PRKG1: variants seen among roughly 807,000 people sequenced by gnomAD.
PRKG1 encodes protein kinase cGMP-dependent 1.
In PRKG1, 35 loss-of-function variants were observed where a neutral mutation model predicts 88.1. The ratio of observed to expected loss-of-function variants is 0.40; its 90% confidence interval spans 0.30 to 0.53. The LOEUF is 0.53. Among genes scored for constraint, PRKG1 ranks in the 20% least tolerant of loss-of-function variants. The pLI is 0.59. For missense variants in PRKG1, 540 were observed against 839.8 expected (o/e 0.64, Z 4.41); for synonymous variants, 303 against 292.5 (o/e 1.04, Z -0.37).
intron 5 of PRKG1, among the ~76,000 whole-genome samples, chr10:51,990,855 T>C (rs939233214): frequency 5.0e-5 from 7 of 141,172 alleles, no homozygotes; most frequent in Non-Finnish European, 7.6e-5. Flanking sequence ...CAAGGCATGA[T>C]GGTCTCCAGC....
At chr10:51,225,654 T>A (rs1838672631) in intron 2 of PRKG1, among the ~76,000 whole-genome samples, 1 of 152,106 alleles carries the variant, frequency 6.6e-6, no homozygotes, top group South Asian at 2.1e-4. Context: ...TACATTATTA[T>A]TAATAATATA....
intron 8 of PRKG1, among the ~76,000 whole-genome samples, chr10:52,156,511 T>TGATG (rs559758876): frequency 1.2e-4 from 18 of 151,684 alleles, no homozygotes; most frequent in Admixed American, 3.9e-4. Context: ...ATGGATGGAC[T>TGATG]GATGGATGGA....
At position 51,374,824 on chromosome 10, in the gene PRKG1, T is replaced by C. The variant is rs140170488; in HGVS notation, c.479-92899T>C. On this transcript the variant is annotated intron_variant, in intron 2 of 17. Coordinates refer to ENST00000373980, the MANE Select transcript of PRKG1 (RefSeq NM_006258.4). ...GACAGACTAAGGAGAAATCTGCTTC[T>C]AAGCTCACGTGAGTGTTGGCAGGAT... is the stretch of plus-strand genomic sequence containing the variant. Among the ~76,000 whole-genome samples the C allele has an allele frequency of 1.9e-3, 291 of 152,334 alleles. 1 individual carries two copies. The highest frequency in any genetic ancestry group is 3.4e-3 in the Middle Eastern group (1 of 294).
At chr10:51,680,060 A>G (rs1840811074) in intron 3 of PRKG1, among the ~76,000 whole-genome samples, 1 of 152,184 alleles carries the variant, frequency 6.6e-6, no homozygotes, top group Admixed American at 6.5e-5. Context: ...AGTGCCTTGG[A>G]GTGGCCACAG....
intron 6 of PRKG1, among the ~76,000 whole-genome samples, chr10:52,059,000 A>G (rs1369432766): frequency 6.6e-6 from 1 of 151,994 alleles, no homozygotes; most frequent in Non-Finnish European, 1.5e-5. Flanking sequence ...TTTAAAAAAC[A>G]GAATGAAAGA....
chr10:51,243,160 T>C (rs1839199196), intron 2 of PRKG1, among the ~76,000 whole-genome samples: 1 of 152,202 alleles, frequency 6.6e-6, no homozygotes, highest in South Asian at 2.1e-4. Flanking sequence ...TGTGACTGTG[T>C]TCATCCTTTC....
chr10:51,467,962 T>C (rs1839952483), intron 3 of PRKG1, 126 bp downstream of exon 3: 1 of 792,936 alleles, frequency 1.3e-6, no homozygotes. Context: ...ATTTTTGCCC[T>C]GCAATATAGC....
At chr10:52,110,191 A>T (rs1847527304) in intron 7 of PRKG1, among the ~76,000 whole-genome samples, 1 of 151,842 alleles carries the variant, frequency 6.6e-6, no homozygotes, top group Non-Finnish European at 1.5e-5. Flanking sequence ...TACTAAAAAT[A>T]CAAAAAATTA....
At chr10:51,702,590 A>G (rs533445161) in intron 3 of PRKG1, among the ~76,000 whole-genome samples, 2 of 152,336 alleles carry the variant, frequency 1.3e-5, no homozygotes, top group African/African-American at 4.8e-5. Flanking sequence ...ACAGATTGAT[A>G]CCAGATATAT....
At chr10:51,063,143 T>C (rs1843711393) in intron 1 of PRKG1, among the ~76,000 whole-genome samples, 1 of 152,228 alleles carries the variant, frequency 6.6e-6, no homozygotes, top group African/African-American at 2.4e-5. Context: ...AATTGTTTGC[T>C]TGAATGATTT....
intron 2 of PRKG1, among the ~76,000 whole-genome samples, chr10:51,465,553 C>T (rs1839882848): frequency 6.6e-6 from 1 of 152,128 alleles, no homozygotes; most frequent in African/African-American, 2.4e-5. Context: ...GCTGAAGAAA[C>T]ATCAAATGTT....
chr10:51,272,338 C>G (rs1840002662), intron 2 of PRKG1, among the ~76,000 whole-genome samples: 1 of 150,326 alleles, frequency 6.7e-6, no homozygotes, highest in African/African-American at 2.5e-5. Context: ...AGGGGAACAT[C>G]ACACACTGGG....
chr10:51,532,600 C>T (rs1281014598), intron 3 of PRKG1, among the ~76,000 whole-genome samples: 1 of 152,194 alleles, frequency 6.6e-6, no homozygotes, highest in Non-Finnish European at 1.5e-5. Flanking sequence ...TTAAGTTTTT[C>T]TCTGGATTTC....
At chr10:51,959,243 C>T (rs1440838101) in intron 5 of PRKG1, among the ~76,000 whole-genome samples, 1 of 152,106 alleles carries the variant, frequency 6.6e-6, no homozygotes, top group Non-Finnish European at 1.5e-5. Flanking sequence ...TACAAATATG[C>T]AATCACAGAG....
At chr10:51,170,427 T>C (rs932065214) in intron 2 of PRKG1, among the ~76,000 whole-genome samples, 11 of 128,876 alleles carry the variant, frequency 8.5e-5, no homozygotes, top group African/African-American at 3.8e-4. Context: ...TTTTTTCAAA[T>C]GTCTGGGTAT....
intron 5 of PRKG1, among the ~76,000 whole-genome samples, chr10:52,006,679 A>G (rs1844744425): frequency 1.3e-5 from 2 of 152,196 alleles, no homozygotes; most frequent in East Asian, 1.9e-4. Flanking sequence ...AGAGGGAAAA[A>G]ACAAGCAACT....
intron 9 of PRKG1, among the ~76,000 whole-genome samples, chr10:52,178,634 C>T (rs1838929980): frequency 6.6e-6 from 1 of 151,930 alleles, no homozygotes; most frequent in South Asian, 2.1e-4. Flanking sequence ...TTTATCTCTC[C>T]CTTTAGATCT....
intron 4 of PRKG1, among the ~76,000 whole-genome samples, chr10:51,877,094 G>A (rs10999883): frequency 0.14 from 20,551 of 151,972 alleles, 1,645 homozygotes; most frequent in Admixed American, 0.19. Flanking sequence ...TGTGAATTTA[G>A]GTCCTTTCTT....
intron 2 of PRKG1, among the ~76,000 whole-genome samples, chr10:51,271,613 A>G (rs954984270): frequency 1.3e-5 from 2 of 152,136 alleles, no homozygotes; most frequent in Non-Finnish European, 2.9e-5. Context: ...TTTTAAATCT[A>G]TGGTCTAATG....
Sources: gnomAD v4.1 joint callset for allele counts (sites outside exome capture counted in the v4.1 genomes callset) on GRCh38, gnomAD v4.1.1 for gene constraint, MANE v1.5 for transcripts, NCBI Gene and HGNC (gene_info 2026-07-23, HGNC 2026-07-21) for gene names.